The following WDR37 variants were observed in gnomAD, a reference collection of about 807,000 sequenced individuals.
WDR37 encodes WD repeat-containing protein 37.
A neutral mutation model predicts 62.9 loss-of-function variants in WDR37; 19 were observed. The observed-to-expected ratio is 0.30, with a 90% CI of 0.21 to 0.44. The LOEUF (loss-of-function observed/expected upper bound fraction) is 0.44, where lower values mean the gene tolerates loss of function less well. Among genes scored for constraint, WDR37 ranks in the 20% least tolerant of loss-of-function variants. WDR37 has a pLI of 1.00. For synonymous variants in WDR37, 250 were observed against 260.9 expected (o/e 0.96, Z 0.40); for missense variants, 474 against 657.6 (o/e 0.72, Z 3.05).
At position 1,085,156 on chromosome 10, in the gene WDR37, G is replaced by A. The variant is rs547723203; in HGVS notation, c.532+618G>A. On this transcript the variant is annotated intron_variant, in intron 6 of 13. Coordinates refer to ENST00000263150, the MANE Select transcript of WDR37 (RefSeq NM_014023.4). The stretch of plus-strand genomic sequence containing the variant: ...ATTTTTTTTTTTTTTTGTATTTTTA[G>A]TAGAGGCGGGGTTTCACCGTTTAGC... 1.1e-3 allele frequency among the ~76,000 whole-genome samples: 163 copies of A among 150,302 alleles called. 2 individuals carry two copies. The highest frequency in any genetic ancestry group is 3.3e-3 in the South Asian group (16 of 4,780).
chr10:1,103,738 A>C lies in WDR37; in HGVS notation c.863A>C (p.Asp288Ala), dbSNP rs759045754. 8 of 1,614,046 alleles carry C rather than the reference A, an allele frequency of 5.0e-6. No individual in the cohort carries two copies. The highest frequency in any genetic ancestry group is 6.8e-6 in the Non-Finnish European group (8 of 1,180,032). ...KSHQGVVIAS[D>A]WLVGGKQAVT... ...CACCAGGGCGTGGTCATCGCCTCCG[A>C]CTGGCTGGTTGGGGGGAAGCAGGCT... is the stretch of plus-strand genomic sequence containing the variant. The change falls in exon 10 of 14, where the codon GAC becomes GCC. Residue 288 changes from aspartate to alanine, a missense_variant. Transcript: ENST00000263150. This position sits in a 1 kb window ranked among gnomAD's most constrained non-coding sequence, Gnocchi z 6.3.
intron 1 of WDR37, among the ~76,000 whole-genome samples, chr10:1,059,866 T>C (rs1833319161): frequency 6.6e-6 from 1 of 152,172 alleles, no homozygotes; most frequent in Admixed American, 6.5e-5. Context: ...TGCTGTTTAA[T>C]ATTACAGCAT....
chr10:1,061,052 A>T (rs1833356315), intron 1 of WDR37, among the ~76,000 whole-genome samples: 1 of 152,166 alleles, frequency 6.6e-6, no homozygotes, highest in African/African-American at 2.4e-5. Context: ...TCCTTAAGTG[A>T]TGTATGACTG....
chr10:1,125,882 C>T (rs541035682), intron 13 of WDR37, among the ~76,000 whole-genome samples: 35 of 152,330 alleles, frequency 2.3e-4, no homozygotes, highest in African/African-American at 4.1e-4. Context: ...GGGAGTTTCT[C>T]GCTATGTGCT....
At chr10:1,080,537 T>A in intron 5 of WDR37, 61 bp downstream of exon 5, 1 of 1,546,474 alleles carries the variant, frequency 6.5e-7, no homozygotes, top group African/African-American at 1.4e-5. Flanking sequence ...GATGTGTACT[T>A]TAAGTTGTTT....
chr10:1,089,255 GAGGGA>G (rs1394340349), intron 7 of WDR37, among the ~76,000 whole-genome samples: 4 of 151,984 alleles, frequency 2.6e-5, no homozygotes, highest in African/African-American at 9.7e-5. Context: ...TGCCTCTTCT[GAGGGA>G]TCCAGCCTCA....
At chr10:1,074,290 G>T in intron 2 of WDR37, 1 of 1,190,772 alleles carries the variant, frequency 8.4e-7, no homozygotes, top group South Asian at 1.5e-5. Context: ...GGGTGAAAGT[G>T]TTCTTTTCTG....
chr10:1,120,823 G>A (rs1835554287), intron 11 of WDR37, among the ~76,000 whole-genome samples: 1 of 152,232 alleles, frequency 6.6e-6, no homozygotes, highest in Non-Finnish European at 1.5e-5. Context: ...TGAAATTTCG[G>A]CAGATTGTTA....
rs1213191441 is a variant in WDR37 at position 1,126,643 on chromosome 10, G to A, written c.1353+1619G>A. Reference sequence around the variant, plus strand: ...CAGTGCCTCTGTGGCTCCTTCTGTGGACACCAGCTCATGGCTCGTGGGCCG... The same window carrying A: ...CAGTGCCTCTGTGGCTCCTTCTGTGAACACCAGCTCATGGCTCGTGGGCCG... On this transcript the variant is annotated intron_variant, in intron 13 of 13. Transcript: ENST00000263150. Among the ~76,000 whole-genome samples, 5 of 152,230 alleles carry A rather than the reference G, an allele frequency of 3.3e-5. No homozygotes were observed. In the East Asian group the frequency reaches 9.6e-4, roughly 29 times the overall value.
intron 7 of WDR37, among the ~76,000 whole-genome samples, chr10:1,086,605 T>G (rs1293998194): frequency 6.6e-6 from 1 of 152,240 alleles, no homozygotes; most frequent in Admixed American, 6.5e-5. Context: ...TATTTAATAT[T>G]GTATATAACC....
chr10:1,108,924 C>T (rs1487241353), intron 11 of WDR37, among the ~76,000 whole-genome samples: 1 of 152,182 alleles, frequency 6.6e-6, no homozygotes, highest in South Asian at 2.1e-4. Flanking sequence ...GAGAGCAGGG[C>T]AGCTTCCTAT....
intron 1 of WDR37, among the ~76,000 whole-genome samples, chr10:1,070,022 G>A (rs1357508856): frequency 2.0e-5 from 3 of 151,874 alleles, no homozygotes; most frequent in Admixed American, 6.6e-5. Flanking sequence ...CCTGGTCAAC[G>A]TGGCGAAACC....
At chr10:1,100,788 C>T (rs925529039) in intron 9 of WDR37, among the ~76,000 whole-genome samples, 1 of 152,204 alleles carries the variant, frequency 6.6e-6, no homozygotes, top group Non-Finnish European at 1.5e-5. Flanking sequence ...CCCTCCAGAG[C>T]CGTTTTCCCA....
intron 13 of WDR37, 115 bp downstream of exon 13, chr10:1,125,139 C>A: frequency 6.8e-7 from 1 of 1,466,798 alleles, no homozygotes; most frequent in African/African-American, 1.4e-5. Flanking sequence ...CTTGGAAATG[C>A]TTGAGCTGTA....
At chr10:1,089,705 GCTCACCCGCAATTCAACC>G (rs1834323694) in intron 7 of WDR37, among the ~76,000 whole-genome samples, 1 of 115,816 alleles carries the variant, frequency 8.6e-6, no homozygotes. Flanking sequence ...GCCTTCCCGT[GCTCACCCGCAATTCAACC>G]TTCCTGTGTT....
At chr10:1,125,619 T>G (rs1160575826) in intron 13 of WDR37, among the ~76,000 whole-genome samples, 2 of 152,146 alleles carry the variant, frequency 1.3e-5, no homozygotes, top group African/African-American at 2.4e-5. Context: ...GTGTTAGTGG[T>G]GGTGGCTCTG....
At chr10:1,074,405 G>C (rs895705324) in intron 2 of WDR37, 32 of 1,302,638 alleles carry the variant, frequency 2.5e-5, no homozygotes, top group Non-Finnish European at 3.2e-5. Context: ...GCACGGCCTC[G>C]TCCTCTGCTC....
rs941999515 is a variant in WDR37, at chr10:1,116,367, C to T, written c.1104-7851C>T. ...GTCTCTCAGTCCTCCCGTCACCCAC[C>T]TCACCCTGGGTCTCCACCCTGTCTG... On this transcript the variant is annotated intron_variant, in intron 11 of 13. Transcript: ENST00000263150. Among the ~76,000 whole-genome samples the T allele has an allele frequency of 2.6e-5, 4 of 152,240 alleles. No homozygotes were observed. The South Asian group carries it at 8.3e-4, about 32-fold the overall frequency.
chr10:1,112,466 G>A (rs1835247909), intron 11 of WDR37, among the ~76,000 whole-genome samples: 1 of 152,172 alleles, frequency 6.6e-6, no homozygotes, highest in African/African-American at 2.4e-5. Context: ...CATCCCTATA[G>A]CAGCCTCTCA....
Sources: gnomAD v4.1 joint callset for allele counts (sites outside exome capture counted in the v4.1 genomes callset) on GRCh38, gnomAD v4.1.1 for gene constraint, Gnocchi (gnomAD v3.1) non-coding constraint, MANE v1.5 for transcripts, NCBI Gene and HGNC (gene_info 2026-07-23, HGNC 2026-07-21) for gene names.